Variants in STAC observed in about 807,000 individuals in gnomAD.
The protein encoded by STAC is SH3 and cysteine-rich domain-containing protein.
In STAC, 43 loss-of-function variants were observed where a neutral mutation model predicts 48.8. The observed-to-expected ratio is 0.88, with a 90% CI of 0.69 to 1.14. The LOEUF (loss-of-function observed/expected upper bound fraction) is 1.14, where lower values mean the gene tolerates loss of function less well. STAC is among the 50% of genes most tolerant of loss of function. The pLI is 0.00. For synonymous variants in STAC, 193 were observed against 179.5 expected, an observed-to-expected ratio of 1.07 and a Z score of -0.60; for missense variants, 497 against 504.0, an observed-to-expected ratio of 0.99 and a Z score of 0.13.
At chr3:36,492,987 A>G (rs1454517906) in intron 5 of STAC, among the ~76,000 whole-genome samples, 164 bp from the exon 6 acceptor site, 1 of 152,200 alleles carries the variant, frequency 6.6e-6, no homozygotes, top group Non-Finnish European at 1.5e-5. Context: ...AGTGCCCACG[A>G]GTGGACATAG....
At chr3:36,398,308 AAAGAAAGAAAGC>A (rs1307246395) in intron 1 of STAC, among the ~76,000 whole-genome samples, 2,286 of 111,302 alleles carry the variant, frequency 0.021, 88 homozygotes, top group African/African-American at 0.03. Flanking sequence ...AGAAAGAAAG[AAAGAAAGAAAGC>A]AAGAAAGAAA....
Position 36,505,822 on chromosome 3 carries a change from A to G in STAC, c.908A>G (p.Asp303Gly), listed in dbSNP as rs771532902. The G allele has an allele frequency of 6.2e-7, 1 of 1,604,272 alleles. No individual in the cohort carries two copies. The highest frequency in any genetic ancestry group is 8.5e-7 in the Non-Finnish European group (1 of 1,175,594). ...LYKFVPQENEDLEMRPGDIIT... is the reference protein window; with the variant it reads ...LYKFVPQENEGLEMRPGDIIT... ...AAATTTGTACCACAGGAGAATGAAG[A>G]TTTGGAAATGAGGTAAAAACCTTCT... is the stretch of plus-strand genomic sequence containing the variant. Residue 303 changes from aspartate to glycine, a missense_variant, in exon 8 of 11, where the codon GAT (aspartate) becomes GGT (glycine). By Grantham distance (94) the Asp-to-Gly change is moderately conservative. Coordinates refer to ENST00000273183, the MANE Select transcript of STAC (RefSeq NM_003149.3).
At chr3:36,405,297 G>A (rs1700069436) in intron 1 of STAC, among the ~76,000 whole-genome samples, 1 of 152,160 alleles carries the variant, frequency 6.6e-6, no homozygotes, top group African/African-American at 2.4e-5. Context: ...CTCCCCAAGT[G>A]TTCCAACCCT....
intron 2 of STAC, among the ~76,000 whole-genome samples, chr3:36,454,262 T>C (rs1166484387): frequency 6.6e-6 from 1 of 151,838 alleles, no homozygotes; most frequent in Non-Finnish European, 1.5e-5. Flanking sequence ...ACTGCAAAGG[T>C]CTGCAGCTTC....
At chr3:36,485,276 C>A (rs41276519) in intron 4 of STAC, among the ~76,000 whole-genome samples, 19,977 of 152,054 alleles carry the variant, frequency 0.13, 1,410 homozygotes, top group Non-Finnish European at 0.16. Context: ...TCAGAAAACA[C>A]CTAAATCCCA....
At chr3:36,452,418 T>G (rs747014702) in intron 2 of STAC, among the ~76,000 whole-genome samples, 3 of 152,190 alleles carry the variant, frequency 2.0e-5, no homozygotes, top group Non-Finnish European at 2.9e-5. Flanking sequence ...TCACATAGAC[T>G]GGCACATCGC....
chr3:36,448,329 C>A (rs1444239410), intron 2 of STAC, among the ~76,000 whole-genome samples: 1 of 152,128 alleles, frequency 6.6e-6, no homozygotes, highest in African/African-American at 2.4e-5. Context: ...TCAAGCAATT[C>A]TCCTGCCTCA....
At chr3:36,504,639 G>A (rs1698356445) in intron 7 of STAC, among the ~76,000 whole-genome samples, 182 bp downstream of exon 7, 1 of 152,062 alleles carries the variant, frequency 6.6e-6, no homozygotes, top group African/African-American at 2.4e-5. Flanking sequence ...TGCATAAAAG[G>A]TAAAAAGAGT....
At chr3:36,536,290 G>A (rs1575270446) in intron 10 of STAC, among the ~76,000 whole-genome samples, 1 of 152,038 alleles carries the variant, frequency 6.6e-6, no homozygotes, top group East Asian at 1.9e-4. Context: ...TATAGACAAG[G>A]CAACCTAAGC....
chr3:36,419,047 CAA>C (rs1193056059), intron 1 of STAC, among the ~76,000 whole-genome samples: 20 of 90,486 alleles, frequency 2.2e-4, no homozygotes, highest in South Asian at 3.8e-4. Context: ...AACTCCGACT[CAA>C]AAAAAAAAAA....
intron 8 of STAC, among the ~76,000 whole-genome samples, chr3:36,508,996 A>G (rs564579994): frequency 6.6e-6 from 1 of 152,220 alleles, no homozygotes; most frequent in South Asian, 2.1e-4. Context: ...TAGTTGATGC[A>G]GTTTCTTCAT....
chr3:36,410,614 A>G (rs949671008), intron 1 of STAC, among the ~76,000 whole-genome samples: 16 of 152,176 alleles, frequency 1.1e-4, no homozygotes, highest in African/African-American at 3.9e-4. Context: ...TTTGTTTTGG[A>G]GAAAAGCTTA....
At chr3:36,486,935 G>C (rs1697831428) in intron 5 of STAC, among the ~76,000 whole-genome samples, 1 of 152,318 alleles carries the variant, frequency 6.6e-6, no homozygotes, top group African/African-American at 2.4e-5. Context: ...CTCCAGCAAA[G>C]AGGCAAGGAC....
chr3:36,455,718 G>C (rs1156395560), intron 2 of STAC, among the ~76,000 whole-genome samples: 1 of 151,978 alleles, frequency 6.6e-6, no homozygotes, highest in Non-Finnish European at 1.5e-5. Flanking sequence ...GTATAAAATA[G>C]GGCCGTCCTT....
chr3:36,496,340 C>G (rs953988796), intron 6 of STAC, among the ~76,000 whole-genome samples: 2 of 152,148 alleles, frequency 1.3e-5, no homozygotes, highest in Admixed American at 6.6e-5. Context: ...GAGAAAACAC[C>G]CTACATATGT....
intron 1 of STAC, among the ~76,000 whole-genome samples, chr3:36,428,426 T>C (rs1312625749): frequency 6.6e-6 from 1 of 152,210 alleles, no homozygotes; most frequent in Non-Finnish European, 1.5e-5. Flanking sequence ...GTCCAAAATA[T>C]TAATAGTTGT....
chr3:36,457,316 A>C (rs771413362), intron 2 of STAC, among the ~76,000 whole-genome samples: 10 of 152,212 alleles, frequency 6.6e-5, no homozygotes, highest in Non-Finnish European at 1.2e-4. Context: ...TCTCAATCTA[A>C]GTGTCTTTAA....
chr3:36,428,740 G>A (rs567798380), intron 1 of STAC, among the ~76,000 whole-genome samples: 5 of 152,288 alleles, frequency 3.3e-5, no homozygotes, highest in South Asian at 4.1e-4. Context: ...TCAGCAAGGA[G>A]GCCAGAGGGA....
intron 1 of STAC, among the ~76,000 whole-genome samples, chr3:36,437,080 C>T (rs1397292540): frequency 6.6e-6 from 1 of 152,026 alleles, no homozygotes; most frequent in Non-Finnish European, 1.5e-5. Flanking sequence ...AATGAGATAC[C>T]ATCTCACACC....
Sources: allele counts gnomAD v4.1 joint callset (sites outside exome capture counted in the v4.1 genomes callset), GRCh38; gene constraint gnomAD v4.1.1; transcripts MANE v1.5; gene names NCBI Gene and HGNC (gene_info 2026-07-23, HGNC 2026-07-21).